Variants in TBC1D5 observed in about 807,000 individuals in gnomAD.
The protein encoded by TBC1D5 is TBC1 domain family, member 5.
A neutral mutation model predicts 100.3 loss-of-function variants in TBC1D5; 75 were observed. The observed-to-expected ratio is 0.75, with a 90% CI of 0.62 to 0.91. The LOEUF (loss-of-function observed/expected upper bound fraction) is 0.91. Among genes scored for constraint, TBC1D5 ranks in the 40% least tolerant of loss-of-function variants. The probability of loss-of-function intolerance (pLI) is 0.00; values close to 1 mark genes in which losing one functional copy is unlikely to be tolerated. For missense variants in TBC1D5, 910 were observed against 942.4 expected (o/e 0.97, Z 0.45); for synonymous variants, 323 against 325.6 (o/e 0.99, Z 0.09).
chr3:17,521,094 G>T (rs922319815), intron 2 of TBC1D5, among the ~76,000 whole-genome samples: 1 of 152,210 alleles, frequency 6.6e-6, no homozygotes, highest in African/African-American at 2.4e-5. Flanking sequence ...AAACTTCTTA[G>T]TGGAAACCAT....
At chr3:17,489,135 C>CT (rs1292270437) in intron 3 of TBC1D5, among the ~76,000 whole-genome samples, 1 of 151,944 alleles carries the variant, frequency 6.6e-6, no homozygotes, top group Non-Finnish European at 1.5e-5. Context: ...AATTTAGAGA[C>CT]TGAGTGCAAT....
chr3:17,374,673 T>C (rs1327565455), exon 11 of TBC1D5: 2 of 1,610,362 alleles, frequency 1.2e-6, no homozygotes, highest in South Asian at 1.1e-5. Context: ...CAGTTTTCAT[T>C]TCCTCACTTA....
chr3:17,289,657 TCAAAG>T (rs747203300), intron 15 of TBC1D5, among the ~76,000 whole-genome samples: 27 of 150,800 alleles, frequency 1.8e-4, no homozygotes, highest in Non-Finnish European at 3.4e-4. Context: ...AGTCAGTTCT[TCAAAG>T]ACAAAGGATG....
intron 3 of TBC1D5, among the ~76,000 whole-genome samples, chr3:17,471,574 G>T (rs372516994): frequency 7.6e-6 from 1 of 131,542 alleles, no homozygotes; most frequent in African/African-American, 3.8e-5. Context: ...AATCAAAATA[G>T]GCAGGAGAAT....
chr3:17,229,410 G>A (rs2075221516), intron 17 of TBC1D5, among the ~76,000 whole-genome samples: 1 of 152,156 alleles, frequency 6.6e-6, no homozygotes, highest in Non-Finnish European at 1.5e-5. Flanking sequence ...TCTCTAGCTT[G>A]ACCACAAAAG....
At chr3:17,540,463 T>C (rs998281267) in intron 2 of TBC1D5, among the ~76,000 whole-genome samples, 3 of 152,254 alleles carry the variant, frequency 2.0e-5, no homozygotes, top group African/African-American at 7.2e-5. Context: ...GTCTTACATT[T>C]ATGTCTTTGG....
intron 2 of TBC1D5, among the ~76,000 whole-genome samples, chr3:17,592,727 G>A (rs1173082702): frequency 1.3e-5 from 2 of 152,204 alleles, no homozygotes; most frequent in East Asian, 3.9e-4. Flanking sequence ...AGTGGTCCTT[G>A]AGGTGTCAGT....
chr3:17,195,237 G>C (rs975259932), intron 18 of TBC1D5, among the ~76,000 whole-genome samples: 1 of 152,190 alleles, frequency 6.6e-6, no homozygotes, highest in Non-Finnish European at 1.5e-5. Flanking sequence ...TCTGTGTTGT[G>C]TTTTTATAAT....
intron 14 of TBC1D5, among the ~76,000 whole-genome samples, chr3:17,303,502 G>T (rs2083071577): frequency 6.6e-6 from 1 of 152,128 alleles, no homozygotes; most frequent in African/African-American, 2.4e-5. Flanking sequence ...GATCCTTGGT[G>T]AAGTGTCCAT....
At chr3:17,271,136 T>C (rs115679482) in intron 15 of TBC1D5, among the ~76,000 whole-genome samples, 1,951 of 152,286 alleles carry the variant, frequency 0.013, 31 homozygotes, top group African/African-American at 0.044. Context: ...GAATAGTTTT[T>C]TCTAACTCTG....
chr3:17,618,945 C>A (rs1394812694), intron 2 of TBC1D5, among the ~76,000 whole-genome samples: 1 of 152,194 alleles, frequency 6.6e-6, no homozygotes, highest in Admixed American at 6.5e-5. Flanking sequence ...GAACCAGGTA[C>A]CTCAGTTGGA....
At chr3:17,608,959 G>A (rs1321452804) in intron 2 of TBC1D5, among the ~76,000 whole-genome samples, 1 of 152,182 alleles carries the variant, frequency 6.6e-6, no homozygotes, top group Non-Finnish European at 1.5e-5. Context: ...GCAGCCTCCA[G>A]TGGTATTCCT....
intron 2 of TBC1D5, among the ~76,000 whole-genome samples, chr3:17,593,797 C>T (rs2060389177): frequency 6.6e-6 from 1 of 152,182 alleles, no homozygotes; most frequent in African/African-American, 2.4e-5. Context: ...AGTGGAATGG[C>T]CTTTTGAAGT....
chr3:17,378,245 T>C (rs1260287701), intron 9 of TBC1D5, among the ~76,000 whole-genome samples: 2 of 151,846 alleles, frequency 1.3e-5, no homozygotes, highest in South Asian at 2.1e-4. Context: ...TTCTCCAGTA[T>C]TGAAGTCCTT....
chr3:17,639,490 G>T (rs1023162937), intron 1 of TBC1D5, among the ~76,000 whole-genome samples: 4 of 151,044 alleles, frequency 2.6e-5, no homozygotes, highest in Non-Finnish European at 4.4e-5. Flanking sequence ...ACTATGAATT[G>T]TACACTTGAA....
chr3:17,414,594 G>A (rs1443419692), intron 4 of TBC1D5, among the ~76,000 whole-genome samples: 1 of 152,164 alleles, frequency 6.6e-6, no homozygotes, highest in Non-Finnish European at 1.5e-5. Flanking sequence ...AGGTATGTCA[G>A]CATAAGACTG....
At chr3:17,463,109 A>G (rs1251875643) in intron 3 of TBC1D5, among the ~76,000 whole-genome samples, 1 of 152,160 alleles carries the variant, frequency 6.6e-6, no homozygotes, top group African/African-American at 2.4e-5. Flanking sequence ...TCCTTCCATC[A>G]TTATATCCTG....
At chr3:17,475,020 T>A (rs1430561707) in intron 3 of TBC1D5, among the ~76,000 whole-genome samples, 1 of 152,168 alleles carries the variant, frequency 6.6e-6, no homozygotes, top group East Asian at 1.9e-4. Flanking sequence ...TTATTAAGCA[T>A]CCAAAATATT....
At chr3:17,413,175 G>A (rs923843785) in intron 4 of TBC1D5, among the ~76,000 whole-genome samples, 1 of 152,126 alleles carries the variant, frequency 6.6e-6, no homozygotes, top group African/African-American at 2.4e-5. Context: ...AAAACAATCA[G>A]CATCTAAGCA....
Sources: allele counts gnomAD v4.1 joint callset (sites outside exome capture counted in the v4.1 genomes callset), GRCh38; gene constraint gnomAD v4.1.1; transcripts MANE v1.5; gene names NCBI Gene and HGNC (gene_info 2026-07-23, HGNC 2026-07-21).